Variants in KLHL29 observed in about 807,000 individuals in gnomAD.
The protein encoded by KLHL29 is kelch-like protein 29.
KLHL29 carries 21 observed loss-of-function variants against 80.4 expected under a neutral mutation model. The observed-to-expected ratio is 0.26, with a 90% CI of 0.19 to 0.38. The LOEUF (loss-of-function observed/expected upper bound fraction) is 0.38, where lower values mean the gene tolerates loss of function less well. Among genes scored for constraint, KLHL29 ranks in the 10% least tolerant of loss-of-function variants. KLHL29 has a pLI of 1.00. For missense variants in KLHL29, 867 were observed against 1,223.9 expected, an observed-to-expected ratio of 0.71 and a Z score of 4.35; for synonymous variants, 511 against 526.8, an observed-to-expected ratio of 0.97 and a Z score of 0.41.
intron 1 of KLHL29, among the ~76,000 whole-genome samples, chr2:23,433,780 A>G (rs1375129197): frequency 6.6e-6 from 1 of 152,172 alleles, no homozygotes; most frequent in Non-Finnish European, 1.5e-5. Context: ...ATTGCTGGGC[A>G]TGGTGGTGCA....
At chr2:23,542,465 C>T (rs564280612) in intron 2 of KLHL29, among the ~76,000 whole-genome samples, 1 of 152,290 alleles carries the variant, frequency 6.6e-6, no homozygotes, top group African/African-American at 2.4e-5. Context: ...GTTCTGTTTC[C>T]ATGGGGCATG....
intron 2 of KLHL29, among the ~76,000 whole-genome samples, chr2:23,524,686 C>T (rs910638702): frequency 6.6e-6 from 1 of 152,190 alleles, no homozygotes; most frequent in Non-Finnish European, 1.5e-5. Flanking sequence ...GCTGGCCTTG[C>T]CACCCTTTCC....
intron 2 of KLHL29, among the ~76,000 whole-genome samples, chr2:23,532,398 A>C (rs1035545801): frequency 1.3e-5 from 2 of 152,256 alleles, no homozygotes; most frequent in Non-Finnish European, 2.9e-5. Flanking sequence ...GGCTTGAAGC[A>C]GAATGGAGAC....
At chr2:23,428,195 C>T (rs1218738321) in intron 1 of KLHL29, among the ~76,000 whole-genome samples, 3 of 152,202 alleles carry the variant, frequency 2.0e-5, no homozygotes, top group Non-Finnish European at 4.4e-5. Context: ...CGCAGAAGGC[C>T]TTGGAGTGTT....
intron 1 of KLHL29, among the ~76,000 whole-genome samples, chr2:23,403,710 A>T (rs1016721962): frequency 2.0e-5 from 2 of 98,572 alleles, no homozygotes; most frequent in East Asian, 6.9e-4. Context: ...GATGAAACCC[A>T]AAGAGAGAGA....
At chr2:23,480,553 A>G (rs139982323) in intron 2 of KLHL29, among the ~76,000 whole-genome samples, 1,632 of 152,274 alleles carry the variant, frequency 0.011, 34 homozygotes, top group African/African-American at 0.037. Flanking sequence ...AATTGCTGTC[A>G]TGAGGATATC....
At chr2:23,536,918 A>ACACACACACACTCTCT (rs143009876) in intron 2 of KLHL29, among the ~76,000 whole-genome samples, 1,852 of 140,682 alleles carry the variant, frequency 0.013, 20 homozygotes, top group Admixed American at 0.027. Flanking sequence ...ACACACACAC[A>ACACACACACACTCTCT]CTCTCTCTCT....
intron 2 of KLHL29, among the ~76,000 whole-genome samples, chr2:23,513,930 C>T (rs1558367522): frequency 1.3e-5 from 2 of 152,230 alleles, no homozygotes; most frequent in South Asian, 4.1e-4. Flanking sequence ...TTTCATCTGA[C>T]GTCAGCTGGC....
At chr2:23,525,657 G>A (rs890347628) in intron 2 of KLHL29, among the ~76,000 whole-genome samples, 1 of 151,904 alleles carries the variant, frequency 6.6e-6, no homozygotes, top group African/African-American at 2.4e-5. Context: ...GCCCTGCCTG[G>A]GAAGAGTAAG....
intron 3 of KLHL29, among the ~76,000 whole-genome samples, chr2:23,604,864 C>T (rs1219166099): frequency 2.0e-5 from 3 of 152,132 alleles, no homozygotes; most frequent in East Asian, 3.9e-4. Context: ...ATGCTTCCTG[C>T]CCCCCAGCTG....
chr2:23,642,806 T>C lies in KLHL29; in HGVS notation c.896T>C (p.Ile299Thr), dbSNP rs769742318. Residue 299 changes from isoleucine to threonine, a missense_variant, in exon 5 of 14, where the codon ATT (isoleucine) becomes ACT (threonine). By Grantham distance (89) the Ile-to-Thr change is moderately conservative (BLOSUM62 -1). This residue lies in a region of KLHL29 where 424 missense variants were observed against 456.9 expected (regional missense o/e 0.93). Transcript: ENST00000486442. ...SAHGLQMLRT[I>T]GVGKYEFTDP... is the part of the protein sequence containing the mutation. ...CACGGGCTGCAGATGCTGCGGACCATTGGCGTGGGGAAGTATGAGTTCACC... is the reference window on the plus strand; with the variant it reads ...CACGGGCTGCAGATGCTGCGGACCACTGGCGTGGGGAAGTATGAGTTCACC... 28 of 1,550,210 alleles carry C rather than the reference T, an allele frequency of 1.8e-5. No individual in the cohort carries two copies. Among genetic ancestry groups the C allele is most frequent in the Non-Finnish European group, 2.1e-5 (24 of 1,146,880 alleles).
At chr2:23,561,525 G>A (rs1212028085) in intron 2 of KLHL29, among the ~76,000 whole-genome samples, 2 of 152,114 alleles carry the variant, frequency 1.3e-5, no homozygotes, top group Non-Finnish European at 2.9e-5. Flanking sequence ...CACCCTTTGC[G>A]ACTTGAGTTG....
chr2:23,385,285 GCAGCTCCAGCCCCGGCCC>G lies in KLHL29; in HGVS notation c.-647_-630del, dbSNP rs983440508. ...CGTCCCCGCCACCGCGGATCTCGCCGCAGCTCCAGCCCCGGCCCCGGCTCCGCAGCGCCCGTCCGCAGC... is the reference window on the plus strand; with the variant it reads ...CGTCCCCGCCACCGCGGATCTCGCCGCGGCTCCGCAGCGCCCGTCCGCAGC... On this transcript the variant is annotated 5_prime_UTR_variant, in exon 1 of 14. Transcript: ENST00000486442. 6.9e-6 allele frequency: 1 copy of G among 145,592 alleles called. No homozygotes were observed. The highest frequency in any genetic ancestry group is 1.5e-5 in the Non-Finnish European group (1 of 65,468). The allele number at this position is 145,592 out of a possible 1,614,324, so 9.0% of individuals were successfully genotyped here.
intron 6 of KLHL29, 94 bp from the exon 7 acceptor site, chr2:23,691,580 C>CTCAA: frequency 9.5e-7 from 1 of 1,053,000 alleles, no homozygotes; most frequent in Non-Finnish European, 1.4e-6. Context: ...AAACCAAGGG[C>CTCAA]ATGACCAAGG....
chr2:23,676,840 G>A (rs1670936614), intron 5 of KLHL29, among the ~76,000 whole-genome samples: 1 of 152,198 alleles, frequency 6.6e-6, no homozygotes, highest in African/African-American at 2.4e-5. Flanking sequence ...GAAGCCTGCA[G>A]GAGCCCATGG....
At chr2:23,434,320 C>CA (rs34991893) in intron 1 of KLHL29, among the ~76,000 whole-genome samples, 34,774 of 55,006 alleles carry the variant, frequency 0.63, 11,645 homozygotes, top group South Asian at 0.76. Context: ...GACTCCGTCT[C>CA]AAAAAAAAAA....
At chr2:23,638,085 T>TAAAAAAAAAAAAA (rs553356362) in intron 3 of KLHL29, among the ~76,000 whole-genome samples, 1 of 111,576 alleles carries the variant, frequency 9.0e-6, no homozygotes, top group African/African-American at 3.4e-5. Flanking sequence ...ATGGCCATAG[T>TAAAAAAAAAAAAA]AAAAAAAAAA....
At chr2:23,582,765 A>G (rs994571907) in intron 3 of KLHL29, among the ~76,000 whole-genome samples, 5 of 152,312 alleles carry the variant, frequency 3.3e-5, no homozygotes, top group South Asian at 2.1e-4. Context: ...AAAACATTCA[A>G]ACTGATGAGA....
chr2:23,692,735 C>T (rs1451489520), intron 7 of KLHL29, among the ~76,000 whole-genome samples: 1 of 152,226 alleles, frequency 6.6e-6, no homozygotes, highest in Admixed American at 6.5e-5. Context: ...GCTCCCACCC[C>T]AGACCTAGCC....
Sources: allele counts gnomAD v4.1 joint callset (sites outside exome capture counted in the v4.1 genomes callset), GRCh38; gene constraint gnomAD v4.1.1; regional missense constraint gnomAD v4.1.1; transcripts MANE v1.5; gene names NCBI Gene and HGNC (gene_info 2026-07-23, HGNC 2026-07-21).